PHF23: variants seen among roughly 807,000 people sequenced by gnomAD.
PHF23 encodes the protein PDH-containing protein JUNE-1.
In PHF23, 3 loss-of-function variants were observed where a neutral mutation model predicts 36.0. The observed-to-expected ratio is 0.08, with a 90% CI of 0.04 to 0.22. The LOEUF is 0.22. Among genes scored for constraint, PHF23 ranks in the 10% least tolerant of loss-of-function variants. The pLI is 1.00. For missense variants in PHF23, 475 were observed against 513.6 expected, an observed-to-expected ratio of 0.92 and a Z score of 0.73; for synonymous variants, 242 against 192.5, an observed-to-expected ratio of 1.26 and a Z score of -2.13.
In PHF23 at chr17:7,239,332, C is replaced by T; in HGVS notation, c.-53G>A. ...GCCCCCCTCCCCGGAGCCGGGGATC[C>T]CGGTGCCGCCTCTAGTGCTCGATGC... On this transcript the variant is annotated 5_prime_UTR_variant, in exon 1 of 5. Coordinates refer to ENST00000320316, the MANE Select transcript of PHF23 (RefSeq NM_024297.3). 1 of 909,854 alleles carries T rather than the reference C, an allele frequency of 1.1e-6. No individual in the cohort carries two copies. Among genetic ancestry groups the T allele is most frequent in the Non-Finnish European group, 1.8e-6 (1 of 568,454 alleles). 56.4% of individuals were successfully genotyped at this position (909,854 alleles called of 1,614,324 possible). A position where few individuals can be genotyped will look rare whatever the true frequency, so the allele number is the denominator to read the frequency against.
At chr17:7,237,747 C>G in intron 1 of PHF23, 87 bp from the exon 2 acceptor site, 1 of 1,467,122 alleles carries the variant, frequency 6.8e-7, no homozygotes, top group Non-Finnish European at 9.5e-7. Flanking sequence ...CTAAGTGAAC[C>G]CCCTGCTCTC....
At chr17:7,238,902 C>T in intron 1 of PHF23, 7 of 1,532,146 alleles carry the variant, frequency 4.6e-6, no homozygotes, top group East Asian at 2.5e-5. Flanking sequence ...TCTTCTACGT[C>T]CTCCCTCCTG....
At chr17:7,237,278 T>C in intron 3 of PHF23, 107 bp downstream of exon 3, 2 of 1,026,816 alleles carry the variant, frequency 1.9e-6, no homozygotes, top group Non-Finnish European at 2.9e-6. Context: ...GTCTTACATA[T>C]AATTTCTAAG....
rs761888451 is a variant in PHF23 at position 7,235,988 on chromosome 17, A to G, written c.939T>C (p.Asp313=). Reference sequence around the variant, plus strand: ...GCATCTCGCCTTCACTGGAGCTGGCATCTCCATCTTGGCTTGTTTCAGTGC... The same window carrying G: ...GCATCTCGCCTTCACTGGAGCTGGCGTCTCCATCTTGGCTTGTTTCAGTGC... ...VGSTETSQDG[D]ASSSEGEMRV... Residue 313 remains aspartate (D), a synonymous_variant, in exon 4 of 5, where the codon GAT becomes GAC. Coordinates refer to ENST00000320316, the MANE Select transcript of PHF23 (RefSeq NM_024297.3). 4 of 1,613,556 alleles carry G rather than the reference A, an allele frequency of 2.5e-6. No individual in the cohort carries two copies. The highest frequency in any genetic ancestry group is 2.2e-5 in the South Asian group (2 of 91,014).
rs764684349 is a variant in PHF23, at chr17:7,236,328, C to T, written c.599G>A (p.Arg200Gln). ...PGAGAGFGVLRRPRPTPGDGE... is the reference protein window; with the variant it reads ...PGAGAGFGVLQRPRPTPGDGE... ...ATCCCCAGGAGTTGGCCGAGGCCTC[C>T]GAAGCACCCCAAAGCCAGCCCCAGC... Residue 200 changes from arginine (R) to glutamine (Q), a missense_variant, in exon 4 of 5, where the codon CGG (arginine) becomes CAG (glutamine). Arg to Gln is a conservative substitution (Grantham distance 43). This residue lies in a region of PHF23 where 350 missense variants were observed against 319.8 expected (regional missense o/e 1.09). Transcript: ENST00000320316. This position sits in a 1 kb window ranked among gnomAD's most constrained non-coding sequence, Gnocchi z 5.1. The T allele has an allele frequency of 6.2e-6, 10 of 1,614,122 alleles. No individual in the cohort carries two copies. Among genetic ancestry groups the T allele is most frequent in the South Asian group, 1.1e-5 (1 of 91,082 alleles).
At chr17:7,239,539 T>A (rs2071751236), upstream of PHF23, 1 of 295,844 alleles carries the variant, frequency 3.4e-6, no homozygotes, top group Non-Finnish European at 6.4e-6. Flanking sequence ...CCTCCCTCCC[T>A]CCTCTTCTCT....
rs1312499288 is a variant in PHF23 at position 7,236,439 on chromosome 17, G to T, written c.488C>A (p.Ala163Asp). The change falls in exon 4 of 5, where the codon GCT becomes GAT. Residue 163 changes from alanine (A) to aspartate (D), a missense_variant. Around this residue, in one of 5 missense-constraint regions of PHF23, gnomAD observed 350 missense variants for 319.8 expected, o/e 1.09. Coordinates refer to ENST00000320316, the MANE Select transcript of PHF23 (RefSeq NM_024297.3). The surrounding 1 kb of genome is among the most constrained non-coding windows in gnomAD (Gnocchi z 5.1). ...SLTHTSRPPA[A>D]LTPVPLSQGD... ...CTGGGAAAGGGGCACGGGGGTAAGA[G>T]CAGCAGGGGGCCGGGAGGTATGTGT... The T allele has an allele frequency of 6.2e-7, 1 of 1,613,642 alleles. No individual in the cohort carries two copies. The highest frequency in any genetic ancestry group is 8.5e-7 in the Non-Finnish European group (1 of 1,179,916).
intron 1 of PHF23, chr17:7,238,750 C>T (rs1255932351): frequency 1.3e-6 from 2 of 1,528,126 alleles, no homozygotes; most frequent in South Asian, 1.2e-5. Context: ...TAGACAATAC[C>T]CAGACCCCCT....
intron 1 of PHF23, chr17:7,238,447 G>A: frequency 1.2e-4 from 4 of 32,622 alleles, no homozygotes; most frequent in Non-Finnish European, 1.7e-4. Context: ...CTCCGCCCCC[G>A]TACTCACCAC....
chr17:7,237,706 T>C (rs934563573), intron 1 of PHF23, 46 bp from the exon 2 acceptor site: 2 of 1,606,762 alleles, frequency 1.2e-6, no homozygotes, highest in Non-Finnish European at 1.7e-6. Context: ...GAACAATCTG[T>C]GTAAAACTCC....
In PHF23 at chr17:7,237,395, G is replaced by C; in HGVS notation, c.149C>G (p.Pro50Arg). Residue 50 changes from proline (P) to arginine (R), a missense_variant, in exon 3 of 5, where the codon CCT (proline) becomes CGT (arginine). Physicochemically the swap from Pro to Arg is moderately radical, Grantham distance 103 (BLOSUM62 -2). Coordinates refer to ENST00000320316, the MANE Select transcript of PHF23 (RefSeq NM_024297.3). ...FVLAYAGYIP[P>R]SKEESDWPAS... Reference sequence around the variant, plus strand: ...TTCTCTTGCCCCTACCTCTTTGCTAGGGGGAATGTAACCAGCATATGCCAA... The same window carrying C: ...TTCTCTTGCCCCTACCTCTTTGCTACGGGGAATGTAACCAGCATATGCCAA... 1 of 1,613,078 alleles carries C rather than the reference G, an allele frequency of 6.2e-7. No homozygotes were observed. Among genetic ancestry groups the C allele is most frequent in the African/African-American group, 1.3e-5 (1 of 74,984 alleles).
rs1205896142 is a variant in PHF23, at chr17:7,239,229, A to G, written c.34+17T>C. 4.0e-6 allele frequency: 6 copies of G among 1,510,710 alleles called. No individual in the cohort carries two copies. The highest frequency in any genetic ancestry group is 2.4e-5 in the South Asian group (2 of 84,992). The allele number at this position is 1,510,710 out of a possible 1,614,324, so 93.6% of individuals were successfully genotyped here. A position where few individuals can be genotyped will look rare whatever the true frequency, so the allele number is the denominator to read the frequency against. On this transcript the variant is annotated intron_variant, in intron 1 of 4. Coordinates refer to ENST00000320316, the MANE Select transcript of PHF23 (RefSeq NM_024297.3). ...GCCCCCCGCCGGCTCAGCGCTCTGCACCGGTCGAGAGCTCACCTTCGGGAC... is the reference window on the plus strand; with the variant it reads ...GCCCCCCGCCGGCTCAGCGCTCTGCGCCGGTCGAGAGCTCACCTTCGGGAC...
intron 1 of PHF23, chr17:7,238,758 C>A: frequency 6.5e-7 from 1 of 1,532,288 alleles, no homozygotes; most frequent in Non-Finnish European, 8.7e-7. Flanking sequence ...ACCCAGACCC[C>A]CTCTTCTCCC....
intron 3 of PHF23, among the ~76,000 whole-genome samples, chr17:7,237,051 T>C (rs1204002435): frequency 6.6e-6 from 1 of 152,118 alleles, no homozygotes; most frequent in African/African-American, 2.4e-5. Context: ...TGTCCTTAGC[T>C]CTTTTTCTGT....
intron 1 of PHF23, chr17:7,237,953 C>A (rs1450312125): frequency 7.3e-6 from 3 of 409,304 alleles, no homozygotes; most frequent in East Asian, 1.0e-4. Context: ...CTACTCGGAT[C>A]CCTCAGCGCC....
chr17:7,237,290 G>A (rs951794721), intron 3 of PHF23, 95 bp downstream of exon 3: 3 of 1,092,062 alleles, frequency 2.7e-6, no homozygotes, highest in East Asian at 2.4e-5. Flanking sequence ...ATTTCTAAGG[G>A]CCTCCTTCTA....
chr17:7,239,179 A>G (rs370722064), intron 1 of PHF23, 67 bp downstream of exon 1: 2 of 1,174,320 alleles, frequency 1.7e-6, no homozygotes, highest in Non-Finnish European at 2.4e-6. Context: ...CTCGACCTCC[A>G]AGTTTGCCAA....
intron 1 of PHF23, 60 bp downstream of exon 1, chr17:7,239,186 C>A: frequency 8.0e-7 from 1 of 1,245,178 alleles, no homozygotes; most frequent in South Asian, 1.3e-5. Flanking sequence ...TCCAAGTTTG[C>A]CAATTGATTC....
At position 7,236,831 on chromosome 17, in the gene PHF23, C is replaced by A. The variant is rs2071680518; in HGVS notation, c.160-64G>T. 1 of 1,531,116 alleles carries A rather than the reference C, an allele frequency of 6.5e-7. No individual in the cohort carries two copies. The highest frequency in any genetic ancestry group is 8.7e-7 in the Non-Finnish European group (1 of 1,146,454). 94.8% of individuals were successfully genotyped at this position (1,531,116 alleles called of 1,614,324 possible). A position where few individuals can be genotyped will look rare whatever the true frequency, so the allele number is the denominator to read the frequency against. ...GTGTCATCTCAGCCCCTCCACAAAC[C>A]CAGCTTGAAAAGGAGTGACTGGATT... On this transcript the variant is annotated intron_variant, in intron 3 of 4. Coordinates refer to ENST00000320316, the MANE Select transcript of PHF23 (RefSeq NM_024297.3). The surrounding 1 kb of genome is among the most constrained non-coding windows in gnomAD (Gnocchi z 5.1).
Sources: gnomAD v4.1 joint callset for allele counts (sites outside exome capture counted in the v4.1 genomes callset) on GRCh38, gnomAD v4.1.1 for gene constraint, gnomAD v4.1.1 regional missense constraint, Gnocchi (gnomAD v3.1) non-coding constraint, MANE v1.5 for transcripts, NCBI Gene and HGNC (gene_info 2026-07-23, HGNC 2026-07-21) for gene names.